Variants in TRAK1 observed in about 807,000 individuals in gnomAD.
The protein encoded by TRAK1 is trafficking kinesin-binding protein 1.
A neutral mutation model predicts 92.1 loss-of-function variants in TRAK1; 33 were observed. That is an observed-to-expected ratio of 0.36 (90% confidence interval 0.27 to 0.48). The LOEUF is 0.48. Ranked by LOEUF, TRAK1 falls within the 20% of genes least tolerant of loss-of-function variation. TRAK1 has a pLI of 0.99. For synonymous variants in TRAK1, 521 were observed against 517.3 expected (o/e 1.01, Z -0.10); for missense variants, 1,123 against 1,257.9 (o/e 0.89, Z 1.62).
intron 2 of TRAK1, chr3:42,149,547 T>G: frequency 6.5e-7 from 1 of 1,536,152 alleles, no homozygotes; most frequent in South Asian, 1.2e-5. Context: ...TGCAGAAATT[T>G]ATCGAAGCGG....
At chr3:42,093,991 G>T (rs1022228102) in intron 1 of TRAK1, among the ~76,000 whole-genome samples, 2 of 151,856 alleles carry the variant, frequency 1.3e-5, no homozygotes, top group South Asian at 4.1e-4. Context: ...GGCGTGAGCC[G>T]CCGTGCCTGG....
chr3:42,031,067 G>A (rs1335368157), intron 1 of TRAK1, among the ~76,000 whole-genome samples: 2 of 133,916 alleles, frequency 1.5e-5, no homozygotes, highest in South Asian at 4.7e-4. Flanking sequence ...ATGGAGTCTC[G>A]CTCTGTCACC....
chr3:42,060,038 T>TA (rs1433311700), intron 1 of TRAK1, among the ~76,000 whole-genome samples: 1 of 152,216 alleles, frequency 6.6e-6, no homozygotes, highest in African/African-American at 2.4e-5. Context: ...CTTTTCTTTT[T>TA]AAAAAACATT....
At chr3:42,201,885 C>CGG (rs1222182671) in intron 12 of TRAK1, among the ~76,000 whole-genome samples, 1 of 44,970 alleles carries the variant, frequency 2.2e-5, no homozygotes, top group Non-Finnish European at 5.1e-5. Context: ...GACAGACGGA[C>CGG]ACACACACAC....
chr3:42,018,087 C>CAAAAAAAAAA (rs397989329), intron 1 of TRAK1, among the ~76,000 whole-genome samples: 3 of 114,278 alleles, frequency 2.6e-5, no homozygotes, highest in African/African-American at 7.0e-5. Flanking sequence ...CTCATTGTTA[C>CAAAAAAAAAA]AAAAAAAAAA....
At chr3:42,221,599 C>T (rs2029125) in intron 15 of TRAK1, among the ~76,000 whole-genome samples, 27,772 of 152,104 alleles carry the variant, frequency 0.18, 4,514 homozygotes, top group African/African-American at 0.44. Flanking sequence ...CTTCCTTCTG[C>T]CAGACTGGGG....
chr3:42,075,169 A>G (rs753244806), intron 1 of TRAK1, among the ~76,000 whole-genome samples: 3 of 151,930 alleles, frequency 2.0e-5, no homozygotes, highest in Non-Finnish European at 2.9e-5. Flanking sequence ...AATTTAAAAA[A>G]AATTTTAATT....
At chr3:42,032,495 A>AT (rs1468512609) in intron 1 of TRAK1, among the ~76,000 whole-genome samples, 1 of 152,040 alleles carries the variant, frequency 6.6e-6, no homozygotes, top group Non-Finnish European at 1.5e-5. Context: ...AAAAAAAAAA[A>AT]ACCATCTTTG....
At chr3:42,058,484 C>T (rs1703289517) in intron 1 of TRAK1, among the ~76,000 whole-genome samples, 1 of 152,106 alleles carries the variant, frequency 6.6e-6, no homozygotes, top group African/African-American at 2.4e-5. Flanking sequence ...ATTACAGGCG[C>T]CCCCGCCACA....
intron 1 of TRAK1, among the ~76,000 whole-genome samples, chr3:42,067,954 C>G (rs943903228): frequency 2.6e-5 from 4 of 151,984 alleles, no homozygotes; most frequent in Non-Finnish European, 4.4e-5. Flanking sequence ...GGCAGATCAT[C>G]TGAGGTCAGG....
intron 4 of TRAK1, among the ~76,000 whole-genome samples, chr3:42,186,273 C>T (rs545257870): frequency 2.0e-5 from 3 of 152,286 alleles, no homozygotes; most frequent in East Asian, 1.9e-4. Context: ...TGAGCCCCTG[C>T]GCCTGGCCTC....
intron 3 of TRAK1, among the ~76,000 whole-genome samples, chr3:42,183,547 T>G (rs1371993389): frequency 2.2e-5 from 2 of 91,280 alleles, no homozygotes; most frequent in African/African-American, 8.8e-5. Flanking sequence ...AGAGTGAGAC[T>G]CTGTCTAAAA....
chr3:42,199,626 A>T (rs1707239783), intron 11 of TRAK1, among the ~76,000 whole-genome samples: 1 of 152,038 alleles, frequency 6.6e-6, no homozygotes, highest in African/African-American at 2.4e-5. Flanking sequence ...CAGCTAATTT[A>T]AAAAAATCTT....
At chr3:42,210,354 A>G in intron 14 of TRAK1, 1 of 1,372,802 alleles carries the variant, frequency 7.3e-7, no homozygotes. Flanking sequence ...CCCATCTTGG[A>G]GGTGCATGGC....
At chr3:42,023,790 A>T (rs2683701) in intron 1 of TRAK1, among the ~76,000 whole-genome samples, 30 of 111,990 alleles carry the variant, frequency 2.7e-4, no homozygotes, top group African/African-American at 9.5e-4. Context: ...ATCTCACTCT[A>T]TTGTCCAGGC....
At chr3:42,084,429 T>A (rs1383233899), upstream of TRAK1, among the ~76,000 whole-genome samples, 2 of 152,178 alleles carry the variant, frequency 1.3e-5, no homozygotes, top group Admixed American at 1.3e-4. Flanking sequence ...CTCCATATTT[T>A]TAAAAAAGTG....
chr3:42,021,690 C>T (rs1384835979), intron 1 of TRAK1, among the ~76,000 whole-genome samples: 3 of 152,194 alleles, frequency 2.0e-5, no homozygotes, highest in South Asian at 2.1e-4. Flanking sequence ...AATTCTCCTG[C>T]GTCAGCCTCC....
At chr3:42,088,336 C>T (rs376134048), upstream of TRAK1, among the ~76,000 whole-genome samples, 58 of 152,130 alleles carry the variant, frequency 3.8e-4, 1 homozygote, top group South Asian at 0.012. Flanking sequence ...CTGTGCTAGG[C>T]CCCCACACAC....
intron 1 of TRAK1, among the ~76,000 whole-genome samples, chr3:42,054,636 A>G (rs1423564791): frequency 1.3e-5 from 2 of 151,996 alleles, no homozygotes; most frequent in African/African-American, 4.8e-5. Context: ...CTCTTTTACC[A>G]CCATCGTACT....
Sources: allele counts gnomAD v4.1 joint callset (sites outside exome capture counted in the v4.1 genomes callset), GRCh38; gene constraint gnomAD v4.1.1; transcripts MANE v1.5; gene names NCBI Gene and HGNC (gene_info 2026-07-23, HGNC 2026-07-21).